Variants in PDE4D observed in about 807,000 individuals in gnomAD.
PDE4D encodes phosphodiesterase 4D.
A neutral mutation model predicts 87.4 loss-of-function variants in PDE4D; 24 were observed. The observed-to-expected ratio is 0.27, with a 90% CI of 0.20 to 0.39. PDE4D has a LOEUF of 0.39. PDE4D is among the 10% of genes least tolerant of loss of function. The pLI is 1.00. For missense variants in PDE4D, 714 were observed against 1,041.0 expected (o/e 0.69, Z 4.32); for synonymous variants, 384 against 383.2 (o/e 1.00, Z -0.02).
chr5:60,442,817 T>C (rs1745348158), intron 1 of PDE4D, among the ~76,000 whole-genome samples: 1 of 152,126 alleles, frequency 6.6e-6, no homozygotes, highest in African/African-American at 2.4e-5. Context: ...ATTAAACATT[T>C]ATTTGAAAGA....
At chr5:58,997,867 AAAT>A (rs1000965111) in intron 6 of PDE4D, among the ~76,000 whole-genome samples, 4 of 152,282 alleles carry the variant, frequency 2.6e-5, no homozygotes, top group Non-Finnish European at 5.9e-5. Context: ...AAGCAAACTA[AAAT>A]AATAAAACAA....
At position 59,385,174 on chromosome 5, in the gene PDE4D, CT is replaced by C. The variant is rs1227621546; in HGVS notation, c.456-169207del. Among the ~76,000 whole-genome samples, 160 of 152,126 alleles carry C rather than the reference CT, an allele frequency of 1.1e-3. 4 individuals carry two copies. Among genetic ancestry groups the C allele is most frequent in the Admixed American group, 0.01 (158 of 15,270 alleles). ...CTCAGCTAGTTGCTTTCTAGGCCCG[CT>C]AGAAATCTGACATCCTAAGCATTCT... On this transcript the variant is annotated intron_variant, in intron 1 of 14. Coordinates refer to ENST00000340635, the MANE Select transcript of PDE4D (RefSeq NM_001104631.2).
chr5:60,502,463 T>G (rs1750128828), intron 1 of PDE4D, among the ~76,000 whole-genome samples: 1 of 152,308 alleles, frequency 6.6e-6, no homozygotes, highest in African/African-American at 2.4e-5. Flanking sequence ...TTCTTTTGGC[T>G]TAGGATTGAC....
chr5:59,372,065 T>C (rs1784019617), intron 1 of PDE4D, among the ~76,000 whole-genome samples: 2 of 152,230 alleles, frequency 1.3e-5, no homozygotes. Flanking sequence ...TTCTAAATTA[T>C]GCTTTCCCTC....
Position 59,811,816 on chromosome 5 carries a change from C to T in PDE4D, c.455+81352G>A, listed in dbSNP as rs117829051. Among the ~76,000 whole-genome samples the T allele has an allele frequency of 2.1e-3, 320 of 152,304 alleles. 5 individuals carry two copies. In the East Asian group the frequency reaches 0.045, roughly 22 times the overall value. On this transcript the variant is annotated intron_variant, in intron 1 of 14. Coordinates refer to ENST00000340635, the MANE Select transcript of PDE4D (RefSeq NM_001104631.2). ...GACTCTATTTTCTCATATGTAAAAA[C>T]GTGGTGATAATACAACCTCCTTTGT...
At chr5:60,158,398 G>T (rs1328557578) in intron 2 of PDE4D, among the ~76,000 whole-genome samples, 1 of 152,108 alleles carries the variant, frequency 6.6e-6, no homozygotes, top group African/African-American at 2.4e-5. Flanking sequence ...TGTGGTAAAA[G>T]ATAAAAATAT....
At chr5:59,045,771 GATTTT>G (rs1459430789) in intron 5 of PDE4D, among the ~76,000 whole-genome samples, 1 of 152,090 alleles carries the variant, frequency 6.6e-6, no homozygotes. Context: ...CATGGGATCT[GATTTT>G]ATTTTATATG....
intron 1 of PDE4D, among the ~76,000 whole-genome samples, chr5:59,371,382 AT>A (rs1783909219): frequency 6.6e-6 from 1 of 152,232 alleles, no homozygotes; most frequent in Admixed American, 6.5e-5. Flanking sequence ...AGCAGGAAAG[AT>A]TAGAGGCAGA....
Position 60,243,789 on chromosome 5 carries a change from T to C in PDE4D, c.-89-58102A>G, listed in dbSNP as rs372373332. ...GTAAAAATCCTCAAAAACCTATGTA[T>C]AGAAGGAACATACCTCAACACAATA... On this transcript the variant is annotated intron_variant, in intron 1 of 16. Coordinates refer to the PDE4D transcript ENST00000502484. Among the ~76,000 whole-genome samples, 33 of 152,054 alleles carry C rather than the reference T, an allele frequency of 2.2e-4. No homozygotes were observed. In the East Asian group the frequency reaches 4.8e-3, roughly 22 times the overall value.
intron 1 of PDE4D, among the ~76,000 whole-genome samples, chr5:59,543,812 C>T (rs1038131658): frequency 2.8e-4 from 43 of 152,118 alleles, no homozygotes; most frequent in Non-Finnish European, 4.3e-4. Flanking sequence ...TTCAAGTAAA[C>T]AACTCTTCTA....
intron 1 of PDE4D, among the ~76,000 whole-genome samples, chr5:59,659,571 A>G (rs1224803293): frequency 6.6e-6 from 1 of 152,254 alleles, no homozygotes; most frequent in Non-Finnish European, 1.5e-5. Context: ...CTTCGTAGGT[A>G]AGAAGTCTTA....
At chr5:60,099,995 C>T (rs796468574) in intron 2 of PDE4D, among the ~76,000 whole-genome samples, 7 of 152,030 alleles carry the variant, frequency 4.6e-5, no homozygotes, top group African/African-American at 1.7e-4. Flanking sequence ...TGGAACAACT[C>T]AAATATTCCC....
chr5:59,492,140 G>T (rs1035526716), intron 1 of PDE4D, among the ~76,000 whole-genome samples: 1 of 152,050 alleles, frequency 6.6e-6, no homozygotes, highest in African/African-American at 2.4e-5. Flanking sequence ...TCTGGCTTAC[G>T]GCATGTTGCA....
chr5:59,348,071 G>T (rs542041317), intron 1 of PDE4D, among the ~76,000 whole-genome samples: 1 of 152,008 alleles, frequency 6.6e-6, no homozygotes, highest in Non-Finnish European at 1.5e-5. Flanking sequence ...AGCAGAGACC[G>T]CATCCATTTT....
At chr5:59,155,555 A>T (rs62356731) in intron 5 of PDE4D, among the ~76,000 whole-genome samples, 8,036 of 152,262 alleles carry the variant, frequency 0.053, 267 homozygotes, top group South Asian at 0.068. Context: ...AAAAGAGAAG[A>T]TCAAGAACTA....
intron 6 of PDE4D, among the ~76,000 whole-genome samples, chr5:59,032,284 T>C (rs1431612218): frequency 6.6e-6 from 1 of 152,172 alleles, no homozygotes; most frequent in Non-Finnish European, 1.5e-5. Flanking sequence ...GTTAAAACAT[T>C]CAACATATAA....
intron 1 of PDE4D, among the ~76,000 whole-genome samples, chr5:59,742,023 G>A (rs1758912683): frequency 6.6e-6 from 1 of 152,044 alleles, no homozygotes; most frequent in African/African-American, 2.4e-5. Flanking sequence ...TGTTGTTACT[G>A]ATATCAATTA....
intron 1 of PDE4D, among the ~76,000 whole-genome samples, chr5:60,437,260 T>C (rs948780172): frequency 6.6e-6 from 1 of 152,130 alleles, no homozygotes; most frequent in Non-Finnish European, 1.5e-5. Context: ...TAAATCCCAA[T>C]TCCATTTATT....
chr5:59,835,307 G>T, intron 1 of PDE4D, among the ~76,000 whole-genome samples: 1 of 151,936 alleles, frequency 6.6e-6, no homozygotes, highest in East Asian at 1.9e-4. Context: ...ATCTTCTTGG[G>T]TTCATAGATC....
Sources: gnomAD v4.1 joint callset for allele counts (sites outside exome capture counted in the v4.1 genomes callset) on GRCh38, gnomAD v4.1.1 for gene constraint, MANE v1.5 for transcripts, NCBI Gene and HGNC (gene_info 2026-07-23, HGNC 2026-07-21) for gene names.